EDIL3: variants seen among roughly 807,000 people sequenced by gnomAD.
The protein encoded by EDIL3 is EGF like and discoidin domains 3, also known as EGF-like repeat and discoidin I-like domain-containing protein 3.
EDIL3 carries 37 observed loss-of-function variants against 67.4 expected under a neutral mutation model. The observed-to-expected ratio is 0.55, with a 90% confidence interval of 0.42 to 0.72. The LOEUF (loss-of-function observed/expected upper bound fraction) is 0.72, where lower values mean the gene tolerates loss of function less well. EDIL3 is among the 30% of genes least tolerant of loss of function. The pLI is 0.00. For synonymous variants in EDIL3, 195 were observed against 196.3 expected (o/e 0.99, Z 0.05); for missense variants, 527 against 586.3 (o/e 0.90, Z 1.04).
At chr5:83,952,419 C>T (rs1259303792) in intron 10 of EDIL3, among the ~76,000 whole-genome samples, 1 of 151,726 alleles carries the variant, frequency 6.6e-6, no homozygotes, top group Non-Finnish European at 1.5e-5. Flanking sequence ...TAAACTGTGG[C>T]TATATATTTA....
rs182304618 is a variant in EDIL3 at position 84,230,548 on chromosome 5, C to G, written c.197-664G>C. 3.3e-5 allele frequency among the ~76,000 whole-genome samples: 5 copies of G among 152,112 alleles called. 1 individual carries two copies. Among genetic ancestry groups the G allele is most frequent in the Admixed American group, 2.0e-4 (3 of 15,274 alleles). On this transcript the variant is annotated intron_variant, in intron 2 of 10. Coordinates refer to ENST00000296591, the MANE Select transcript of EDIL3 (RefSeq NM_005711.5). ...TCAGCCTCCTGAGTAGCTGGGATTACAGGCATGTACCACCACACCTGGCTA... is the reference window on the plus strand; with the variant it reads ...TCAGCCTCCTGAGTAGCTGGGATTAGAGGCATGTACCACCACACCTGGCTA...
chr5:83,970,833 T>A (rs1377654955), intron 9 of EDIL3, among the ~76,000 whole-genome samples: 2 of 151,522 alleles, frequency 1.3e-5, no homozygotes, highest in East Asian at 3.9e-4. Context: ...TATATCTTGA[T>A]AAAGGTTTCT....
intron 1 of EDIL3, among the ~76,000 whole-genome samples, chr5:84,351,062 T>C (rs536919371): frequency 5.1e-4 from 77 of 152,234 alleles, no homozygotes; most frequent in African/African-American, 1.7e-3. Flanking sequence ...TCACATTGCA[T>C]TGGACAGCAC....
chr5:84,325,549 T>C (rs1161698466), intron 1 of EDIL3, among the ~76,000 whole-genome samples: 3 of 152,052 alleles, frequency 2.0e-5, no homozygotes, highest in Non-Finnish European at 4.4e-5. Flanking sequence ...GAATATAACA[T>C]AGTATTGCCA....
At position 83,941,528 on chromosome 5, in the gene EDIL3, G is replaced by A. The variant is rs1021731520; in HGVS notation, c.*1891C>T. 6.6e-6 allele frequency: 1 copy of A among 151,992 alleles called. No individual in the cohort carries two copies. The highest frequency in any genetic ancestry group is 1.5e-5 in the Non-Finnish European group (1 of 67,912). 9.4% of individuals were successfully genotyped at this position (151,992 alleles called of 1,614,324 possible). A position where few individuals can be genotyped will look rare whatever the true frequency, so the allele number is the denominator to read the frequency against. On this transcript the variant is annotated 3_prime_UTR_variant, in exon 11 of 11. Coordinates refer to ENST00000296591, the MANE Select transcript of EDIL3 (RefSeq NM_005711.5). The stretch of plus-strand genomic sequence containing the variant: ...TCTGATGGGACAGTAAACCTTGAAA[G>A]AAACTGGCTAAAGAGTAAGTGTGTG...
intron 4 of EDIL3, among the ~76,000 whole-genome samples, chr5:84,159,468 T>TAA (rs1424769053): frequency 6.6e-6 from 1 of 152,050 alleles, no homozygotes; most frequent in South Asian, 2.1e-4. Flanking sequence ...CAAGCTTACC[T>TAA]GACCCCATAT....
chr5:84,191,674 G>A (rs1743589004), intron 3 of EDIL3, among the ~76,000 whole-genome samples: 1 of 151,988 alleles, frequency 6.6e-6, no homozygotes, highest in Admixed American at 6.6e-5. Flanking sequence ...GAAAGCTTAA[G>A]GGATGCTTGC....
chr5:84,094,768 G>A (rs1201185084), intron 6 of EDIL3, among the ~76,000 whole-genome samples: 2 of 152,074 alleles, frequency 1.3e-5, no homozygotes, highest in East Asian at 3.8e-4. Flanking sequence ...TCCCTTTTGG[G>A]CCGATATATT....
chr5:84,374,577 T>C (rs1747926003), intron 1 of EDIL3, among the ~76,000 whole-genome samples: 1 of 152,060 alleles, frequency 6.6e-6, no homozygotes, highest in Admixed American at 6.6e-5. Flanking sequence ...AGGAAGAAAA[T>C]GACGAGGATG....
chr5:84,310,777 G>A (rs77052941), intron 1 of EDIL3, among the ~76,000 whole-genome samples: 2,967 of 152,174 alleles, frequency 0.019, 87 homozygotes, highest in African/African-American at 0.065. Context: ...CAAGTCACGC[G>A]TATGGAGCTC....
At chr5:84,145,236 A>T (rs1748271605) in intron 4 of EDIL3, among the ~76,000 whole-genome samples, 1 of 152,112 alleles carries the variant, frequency 6.6e-6, no homozygotes, top group Admixed American at 6.6e-5. Flanking sequence ...GATTGCTTGC[A>T]GGAGGTAATA....
intron 2 of EDIL3, among the ~76,000 whole-genome samples, chr5:84,238,411 C>T (rs1313399454): frequency 6.6e-6 from 1 of 151,560 alleles, no homozygotes; most frequent in East Asian, 1.9e-4. Flanking sequence ...GAAAAAAAAA[C>T]AGTGGGCAGG....
intron 1 of EDIL3, among the ~76,000 whole-genome samples, chr5:84,283,319 A>C (rs1440282829): frequency 6.6e-6 from 1 of 152,236 alleles, no homozygotes; most frequent in Non-Finnish European, 1.5e-5. Context: ...ATGTTTAGTT[A>C]GGTTCAGAAA....
At chr5:84,075,912 A>T (rs1335613710) in intron 6 of EDIL3, among the ~76,000 whole-genome samples, 1 of 148,998 alleles carries the variant, frequency 6.7e-6, no homozygotes, top group Non-Finnish European at 1.5e-5. Context: ...ACACACACAC[A>T]CACACAGACA....
In EDIL3 at chr5:84,223,898, G is replaced by C. The variant is rs919681935; in HGVS notation, c.226+5957C>G. Among the ~76,000 whole-genome samples, 14 of 150,798 alleles carry C rather than the reference G, an allele frequency of 9.3e-5. No individual in the cohort carries two copies. The East Asian group carries it at 1.7e-3, about 19-fold the overall frequency. The stretch of plus-strand genomic sequence containing the variant: ...GTATACCTTAAATTTATACAAAAAA[G>C]AACAAAATATTTTTACCATTTACAT... On this transcript the variant is annotated intron_variant, in intron 3 of 10. Coordinates refer to ENST00000296591, the MANE Select transcript of EDIL3 (RefSeq NM_005711.5).
Position 84,384,540 on chromosome 5 carries a change from G to T in EDIL3, c.-166C>A. Reference sequence around the variant, plus strand: ...TTAAACAAATTCTTGGAGAGGGCGAGAGTGGTGACTAAAGAGAGGAGCCTT... The same window carrying T: ...TTAAACAAATTCTTGGAGAGGGCGATAGTGGTGACTAAAGAGAGGAGCCTT... On this transcript the variant is annotated 5_prime_UTR_variant, in exon 1 of 11. Coordinates refer to ENST00000296591, the MANE Select transcript of EDIL3 (RefSeq NM_005711.5). The T allele has an allele frequency of 1.6e-6, 1 of 620,838 alleles. No individual in the cohort carries two copies. The highest frequency in any genetic ancestry group is 2.1e-5 in the South Asian group (1 of 46,634). 38.5% of individuals were successfully genotyped at this position (620,838 alleles called of 1,614,324 possible).
intron 1 of EDIL3, among the ~76,000 whole-genome samples, chr5:84,372,796 C>A (rs2112214500): frequency 6.6e-6 from 1 of 152,206 alleles, no homozygotes; most frequent in South Asian, 2.1e-4. Flanking sequence ...AGAGCTGTTT[C>A]TATGAACACA....
At chr5:84,058,522 ATTT>A (rs1399901079) in intron 9 of EDIL3, among the ~76,000 whole-genome samples, 1 of 152,122 alleles carries the variant, frequency 6.6e-6, no homozygotes, top group Non-Finnish European at 1.5e-5. Flanking sequence ...ATGGGAAATG[ATTT>A]TCAGATATTT....
chr5:84,006,103 T>TAATAATAAC (rs550067507), intron 9 of EDIL3, among the ~76,000 whole-genome samples: 368 of 149,138 alleles, frequency 2.5e-3, no homozygotes, highest in African/African-American at 7.8e-3. Context: ...ATAATAATAA[T>TAATAATAAC]AATAATAGTA....
Sources: gnomAD v4.1 joint callset for allele counts (sites outside exome capture counted in the v4.1 genomes callset) on GRCh38, gnomAD v4.1.1 for gene constraint, MANE v1.5 for transcripts, NCBI Gene and HGNC (gene_info 2026-07-23, HGNC 2026-07-21) for gene names.